Variants in FRAS1 observed in about 807,000 individuals in gnomAD.
FRAS1 encodes the protein Fraser extracellular matrix complex subunit 1, also known as extracellular matrix organizing protein FRAS1.
FRAS1 carries 290 observed loss-of-function variants against 435.2 expected under a neutral mutation model. That is an observed-to-expected ratio of 0.67 (90% CI 0.61 to 0.73). The LOEUF is 0.73. FRAS1 is among the 30% of genes least tolerant of loss of function. The pLI is 0.00. For synonymous variants in FRAS1, 1,800 were observed against 1,851.0 expected, an observed-to-expected ratio of 0.97 and a Z score of 0.71; for missense variants, 4,860 against 5,001.5, an observed-to-expected ratio of 0.97 and a Z score of 0.85.
At chr4:78,119,348 C>T (rs1718880061) in intron 2 of FRAS1, among the ~76,000 whole-genome samples, 1 of 152,146 alleles carries the variant, frequency 6.6e-6, no homozygotes, top group Non-Finnish European at 1.5e-5. Context: ...TTCCCTTACC[C>T]TTCCCAAGCC....
rs1033706339 is a variant in FRAS1, at chr4:78,521,584, G to C, written c.10602G>C (p.Glu3534Asp). The change falls in exon 68 of 74, where the codon GAG becomes GAC. Residue 3534 changes from glutamate (E) to aspartate (D), a missense_variant. Transcript: ENST00000512123. ...RLQIIRIYIR[E>D]DGRLVIEFKT... is the part of the protein sequence containing the mutation. ...AGATAATAAGAATCTACATTCGAGAGGATGGCCGTCTTGTCATTGAATTCA... is the reference window on the plus strand; with the variant it reads ...AGATAATAAGAATCTACATTCGAGACGATGGCCGTCTTGTCATTGAATTCA... The C allele has an allele frequency of 3.1e-6, 5 of 1,610,974 alleles. No individual in the cohort carries two copies. The African/African-American group carries it at 6.7e-5, about 22-fold the overall frequency.
chr4:78,209,518 G>C (rs1296436139), intron 2 of FRAS1, among the ~76,000 whole-genome samples: 2 of 152,130 alleles, frequency 1.3e-5, no homozygotes, highest in Non-Finnish European at 2.9e-5. Flanking sequence ...CTTTATGTCT[G>C]TTCAGACCTG....
At chr4:78,414,417 A>T (rs924076586) in intron 32 of FRAS1, among the ~76,000 whole-genome samples, 1 of 152,244 alleles carries the variant, frequency 6.6e-6, no homozygotes, top group African/African-American at 2.4e-5. Flanking sequence ...CTTAGGTTGC[A>T]TACTTGCGAA....
At chr4:78,112,282 C>T (rs1014037512) in intron 2 of FRAS1, among the ~76,000 whole-genome samples, 5 of 152,192 alleles carry the variant, frequency 3.3e-5, no homozygotes, top group African/African-American at 1.2e-4. Flanking sequence ...AATAAATCAA[C>T]AAATACATAT....
rs1387328354 is a variant in FRAS1 at position 78,521,175 on chromosome 4, T to TA, written c.10541-346dup. Among the ~76,000 whole-genome samples, 6 of 152,308 alleles carry TA rather than the reference T, an allele frequency of 3.9e-5. 1 individual carries two copies. The South Asian group carries it at 1.2e-3, about 32-fold the overall frequency. On this transcript the variant is annotated intron_variant, in intron 67 of 73. Coordinates refer to ENST00000512123, the MANE Select transcript of FRAS1 (RefSeq NM_025074.7). Reference sequence around the variant, plus strand: ...TCTTGGCGAGGAAAAGAAAGTATAATAAGAAGCAGATGTGCTGTAACCATA... The same window carrying TA: ...TCTTGGCGAGGAAAAGAAAGTATAATAAAGAAGCAGATGTGCTGTAACCATA...
chr4:78,240,811 A>AGGT (rs1724970716), intron 3 of FRAS1, among the ~76,000 whole-genome samples: 1 of 152,208 alleles, frequency 6.6e-6, no homozygotes, highest in Non-Finnish European at 1.5e-5. Flanking sequence ...GGTGAGCATA[A>AGGT]GAGAAAGTGC....
intron 19 of FRAS1, among the ~76,000 whole-genome samples, chr4:78,336,392 C>G (rs1007005458): frequency 1.6e-4 from 25 of 152,144 alleles, no homozygotes; most frequent in African/African-American, 5.8e-4. Flanking sequence ...GGAGGAAAGT[C>G]TGGGTAGATC....
At chr4:78,269,170 G>A (rs1726523956) in intron 9 of FRAS1, among the ~76,000 whole-genome samples, 1 of 152,126 alleles carries the variant, frequency 6.6e-6, no homozygotes, top group Non-Finnish European at 1.5e-5. Flanking sequence ...CCTAACTTCG[G>A]CTTAGCTTGT....
chr4:78,368,748 A>G (rs1731379502), intron 22 of FRAS1, among the ~76,000 whole-genome samples: 2 of 152,210 alleles, frequency 1.3e-5, no homozygotes, highest in African/African-American at 4.8e-5. Flanking sequence ...AAAGTTAACA[A>G]AGGTCCCAGA....
At chr4:78,279,025 A>G (rs1028836521) in intron 10 of FRAS1, among the ~76,000 whole-genome samples, 4 of 152,186 alleles carry the variant, frequency 2.6e-5, no homozygotes, top group Non-Finnish European at 5.9e-5. Flanking sequence ...ACATAGAAGA[A>G]TAAAACAGTG....
At chr4:78,317,267 C>T in intron 16 of FRAS1, 101 bp from the exon 17 acceptor site, 4 of 1,349,000 alleles carry the variant, frequency 3.0e-6, no homozygotes, top group Non-Finnish European at 4.2e-6. Flanking sequence ...GTGTGACATC[C>T]ACAGGGGACT....
intron 59 of FRAS1, among the ~76,000 whole-genome samples, chr4:78,491,551 C>A (rs182185055): frequency 1.4e-3 from 208 of 152,116 alleles, no homozygotes; most frequent in African/African-American, 4.3e-3. Context: ...AATGACAAAA[C>A]CCACATGATT....
At chr4:78,365,798 C>A (rs890761123) in intron 22 of FRAS1, among the ~76,000 whole-genome samples, 7 of 146,686 alleles carry the variant, frequency 4.8e-5, no homozygotes, top group African/African-American at 1.3e-4. Context: ...TCATCTCTAC[C>A]AAAAATACAA....
At chr4:78,278,877 A>G in intron 10 of FRAS1, 133 bp downstream of exon 10, 1 of 628,466 alleles carries the variant, frequency 1.6e-6, no homozygotes, top group Non-Finnish European at 2.8e-6. Context: ...ACTGTACAAC[A>G]GGCTCTGGGG....
intron 2 of FRAS1, among the ~76,000 whole-genome samples, chr4:78,083,199 G>A (rs1258770210): frequency 2.6e-5 from 4 of 152,112 alleles, no homozygotes; most frequent in African/African-American, 9.7e-5. Flanking sequence ...CAGTTTGAAG[G>A]CTGCTGGTTT....
intron 37 of FRAS1, among the ~76,000 whole-genome samples, chr4:78,430,896 G>A (rs771030675): frequency 6.6e-6 from 1 of 152,160 alleles, no homozygotes; most frequent in Non-Finnish European, 1.5e-5. Flanking sequence ...TAACAGTGTG[G>A]TAATGTGATC....
chr4:78,060,867 G>C (rs1040337748), intron 1 of FRAS1, among the ~76,000 whole-genome samples: 1 of 151,156 alleles, frequency 6.6e-6, no homozygotes, highest in African/African-American at 2.4e-5. Context: ...TTTTTTTTGA[G>C]GCACAGTCTT....
intron 15 of FRAS1, among the ~76,000 whole-genome samples, chr4:78,315,205 G>C (rs1409531792): frequency 6.6e-6 from 1 of 152,028 alleles, no homozygotes; most frequent in African/African-American, 2.4e-5. Context: ...TAAAATATTT[G>C]GTACATACTT....
chr4:78,331,386 A>G (rs932757728), intron 18 of FRAS1, among the ~76,000 whole-genome samples: 2 of 152,058 alleles, frequency 1.3e-5, no homozygotes, highest in African/African-American at 2.4e-5. Context: ...GTGTCAGGCT[A>G]TGAGTGGGGC....
Sources: gnomAD v4.1 joint callset for allele counts (sites outside exome capture counted in the v4.1 genomes callset) on GRCh38, gnomAD v4.1.1 for gene constraint, MANE v1.5 for transcripts, NCBI Gene and HGNC (gene_info 2026-07-23, HGNC 2026-07-21) for gene names.